The following ZNF81 variants were observed in gnomAD, a reference collection of about 807,000 sequenced individuals.
ZNF81 encodes zinc finger protein 81.
In ZNF81, 5 loss-of-function variants were observed where a neutral mutation model predicts 32.3. That is an observed-to-expected ratio of 0.15 (90% CI 0.08 to 0.33). The LOEUF is 0.33. Ranked by LOEUF, ZNF81 falls within the 10% of genes least tolerant of loss-of-function variation. The probability of loss-of-function intolerance (pLI) is 1.00; values close to 1 mark genes in which losing one functional copy is unlikely to be tolerated. For missense variants in ZNF81, 379 were observed against 479.8 expected (o/e 0.79, Z 1.96); for synonymous variants, 163 against 166.8 (o/e 0.98, Z 0.17).
intron 2 of ZNF81, among the ~76,000 whole-genome samples, chrX:47,871,426 C>G (rs930895771): frequency 9.0e-6 from 1 of 111,565 alleles, no homozygotes. Context: ...TTCAAGATTT[C>G]CTGAGCAGTC....
intron 2 of ZNF81, among the ~76,000 whole-genome samples, chrX:47,871,640 C>T (rs1188762134): frequency 9.0e-6 from 1 of 111,704 alleles, no homozygotes; most frequent in East Asian, 2.8e-4. Context: ...ATTGCATCTT[C>T]CAAGCACAAG....
chrX:47,912,802 C>T (rs1327520331), intron 4 of ZNF81, among the ~76,000 whole-genome samples: 2 of 110,288 alleles, frequency 1.8e-5, no homozygotes, highest in African/African-American at 3.3e-5. Context: ...GAAAGTGGCA[C>T]CATCATTTTC....
At chrX:47,884,930 T>C (rs1365504550) in intron 2 of ZNF81, among the ~76,000 whole-genome samples, 1 of 111,915 alleles carries the variant, frequency 8.9e-6, no homozygotes, top group African/African-American at 3.3e-5. Flanking sequence ...CAAACTCTTT[T>C]GTTGCCTTTC....
intron 1 of ZNF81, chrX:47,841,545 CCAGT>C (rs782179361): frequency 1.1e-4 from 110 of 972,054 alleles, no homozygotes; most frequent in Non-Finnish European, 1.4e-4. Context: ...AGGAATGATT[CCAGT>C]CACTTAAACC....
chrX:47,923,219 C>G lies in ZNF81; in HGVS notation c.*6587C>G, dbSNP rs1396016847. Among the ~76,000 whole-genome samples, 4 of 111,199 alleles carry G rather than the reference C, an allele frequency of 3.6e-5. No homozygotes were observed. Among genetic ancestry groups the G allele is most frequent in the African/African-American group, 9.8e-5 (3 of 30,493 alleles). On this transcript the variant is annotated 3_prime_UTR_variant, in exon 5 of 5. Transcript: ENST00000338637. ...AGAATTTCTTAATGGGTATTAGATACACCTCACTTCCTGAGCCCGCACAGG... is the reference window on the plus strand; with the variant it reads ...AGAATTTCTTAATGGGTATTAGATAGACCTCACTTCCTGAGCCCGCACAGG...
Position 47,917,233 on chromosome X carries a change from T to G in ZNF81, c.*601T>G. ...ATATTTCTATCAAGTGAATCCACAA[T>G]TTAAAAGTCACTTTGGTTTTATATA... On this transcript the variant is annotated 3_prime_UTR_variant, in exon 5 of 5. Transcript: ENST00000338637. 6.7e-6 allele frequency: 2 copies of G among 297,069 alleles called. No individual in the cohort carries two copies. Among genetic ancestry groups the G allele is most frequent in the Admixed American group, 1.2e-4 (2 of 16,498 alleles). 24.5% of individuals were successfully genotyped at this position (297,069 alleles called of 1,213,427 possible). A position where few individuals can be genotyped will look rare whatever the true frequency, so the allele number is the denominator to read the frequency against.
intron 2 of ZNF81, among the ~76,000 whole-genome samples, chrX:47,881,036 C>T (rs1556885108): frequency 1.8e-5 from 2 of 111,337 alleles, no homozygotes; most frequent in African/African-American, 6.5e-5. Context: ...TGTGATAACC[C>T]CTTAATCTAT....
intron 2 of ZNF81, among the ~76,000 whole-genome samples, chrX:47,887,144 G>T (rs1556885866): frequency 4.5e-5 from 5 of 111,314 alleles, no homozygotes; most frequent in Non-Finnish European, 9.4e-5. Flanking sequence ...ACATGTGTGG[G>T]TCTGTTTCTG....
intron 1 of ZNF81, among the ~76,000 whole-genome samples, chrX:47,839,575 C>G (rs1556879471): frequency 8.9e-6 from 1 of 111,808 alleles, no homozygotes; most frequent in Non-Finnish European, 1.9e-5. Context: ...TAAATGAATT[C>G]TGTGTGTATA....
At chrX:47,906,304 G>A (rs1256155361) in intron 4 of ZNF81, among the ~76,000 whole-genome samples, 2 of 87,991 alleles carry the variant, frequency 2.3e-5, no homozygotes, top group African/African-American at 8.0e-5. Context: ...AATCCACTAG[G>A]GATTCTTTCT....
At chrX:47,841,338 T>C in intron 1 of ZNF81, 1 of 647,669 alleles carries the variant, frequency 1.5e-6, no homozygotes, top group Non-Finnish European at 2.5e-6. Flanking sequence ...GGGAGGTAAC[T>C]TTTACAAAGA....
Position 47,915,161 on chromosome X carries a change from T to C in ZNF81, c.515T>C (p.Phe172Ser), listed in dbSNP as rs782750546. 2 of 1,199,783 alleles carry C rather than the reference T, an allele frequency of 1.7e-6. No homozygotes were observed. The highest frequency in any genetic ancestry group is 3.7e-5 in the South Asian group (2 of 54,634). Reference sequence around the variant, plus strand: ...GAGTGGGATTATGAATATAAAGACTTTGGAAAATTTGTTCATCCAAGCCCA... The same window carrying C: ...GAGTGGGATTATGAATATAAAGACTCTGGAAAATTTGTTCATCCAAGCCCA... The part of the protein sequence containing the change: ...NTEWDYEYKD[F>S]GKFVHPSPNL... The change falls in exon 5 of 5, where the codon TTT becomes TCT. Residue 172 changes from phenylalanine to serine, a missense_variant. Transcript: ENST00000338637.
chrX:47,850,009 A>G (rs782222786), intron 2 of ZNF81, among the ~76,000 whole-genome samples: 50 of 112,045 alleles, frequency 4.5e-4, no homozygotes, highest in Non-Finnish European at 8.1e-4. Flanking sequence ...TGTTAGGAGG[A>G]GGAGCACTGC....
chrX:47,912,929 AG>A (rs1556890093), intron 4 of ZNF81, among the ~76,000 whole-genome samples: 1 of 111,543 alleles, frequency 9.0e-6, no homozygotes, highest in Non-Finnish European at 1.9e-5. Context: ...TAAATGCAAA[AG>A]AATGGGGAAA....
chrX:47,886,881 TTAGA>T (rs1208273596), intron 2 of ZNF81, among the ~76,000 whole-genome samples: 3 of 111,863 alleles, frequency 2.7e-5, no homozygotes, highest in African/African-American at 9.8e-5. Flanking sequence ...CTTAGTATCT[TTAGA>T]TAGTTTTTAA....
At chrX:47,845,163 CTT>C (rs1176532204) in intron 1 of ZNF81, among the ~76,000 whole-genome samples, 1 of 111,064 alleles carries the variant, frequency 9.0e-6, no homozygotes, top group Non-Finnish European at 1.9e-5. Context: ...TTATTTTACT[CTT>C]TATTTATTTT....
rs782336983 is a variant in ZNF81 at position 47,863,406 on chromosome X, G to A, written c.54+17085G>A. Among the ~76,000 whole-genome samples, 12 of 112,150 alleles carry A rather than the reference G, an allele frequency of 1.1e-4. No homozygotes were observed. In the South Asian group the frequency reaches 4.4e-3, roughly 41 times the overall value. ...TTTGTTGTCAGGTCTGCTGGATTGT[G>A]ATATGTTGAATCATTTGTCGAGACT... On this transcript the variant is annotated intron_variant, in intron 2 of 4. Transcript: ENST00000338637.
intron 3 of ZNF81, among the ~76,000 whole-genome samples, chrX:47,893,120 A>G (rs2058668008): frequency 9.0e-6 from 1 of 111,324 alleles, no homozygotes; most frequent in Non-Finnish European, 1.9e-5. Context: ...CAGTCTCTTG[A>G]GAGCCCCTGA....
intron 2 of ZNF81, among the ~76,000 whole-genome samples, chrX:47,863,780 T>G (rs1204651318): frequency 8.9e-6 from 1 of 112,196 alleles, no homozygotes; most frequent in African/African-American, 3.2e-5. Context: ...TCAACTTATT[T>G]GCTATGTTGT....
Sources: gnomAD v4.1 joint callset for allele counts (sites outside exome capture counted in the v4.1 genomes callset) on GRCh38, gnomAD v4.1.1 for gene constraint, MANE v1.5 for transcripts, NCBI Gene and HGNC (gene_info 2026-07-23, HGNC 2026-07-21) for gene names.